MAMLD1: variants seen among roughly 807,000 people sequenced by gnomAD.
MAMLD1 encodes the protein mastermind-like domain-containing protein 1.
Under a neutral mutation model 45.0 loss-of-function variants are expected in MAMLD1, and 14 were observed. That is an observed-to-expected ratio of 0.31 (90% CI 0.21 to 0.49). MAMLD1 has a LOEUF of 0.49. Among genes scored for constraint, MAMLD1 ranks in the 20% least tolerant of loss-of-function variants. The pLI, the probability that MAMLD1 is intolerant of heterozygous loss-of-function variation, is 0.99. For missense variants in MAMLD1, 543 were observed against 603.6 expected, an observed-to-expected ratio of 0.90 and a Z score of 1.05; for synonymous variants, 254 against 247.8, an observed-to-expected ratio of 1.02 and a Z score of -0.24.
intron 1 of MAMLD1, among the ~76,000 whole-genome samples, chrX:150,390,991 C>G (rs1303559204): frequency 2.7e-5 from 3 of 112,125 alleles, no homozygotes; most frequent in Admixed American, 9.5e-5. Context: ...GTACCACTTC[C>G]TTCTGTACTC....
At chrX:150,464,498 G>C (rs782424058) in intron 3 of MAMLD1, among the ~76,000 whole-genome samples, 255 of 112,269 alleles carry the variant, frequency 2.3e-3, no homozygotes, top group Non-Finnish European at 4.0e-3. Context: ...GGGACATTCT[G>C]CTGAAAATAA....
At chrX:150,483,436 G>A (rs1234771320) in intron 5 of MAMLD1, among the ~76,000 whole-genome samples, 1 of 112,751 alleles carries the variant, frequency 8.9e-6, no homozygotes, top group African/African-American at 3.2e-5. Flanking sequence ...ATGAACCAAT[G>A]AATGAGCTGT....
intron 1 of MAMLD1, among the ~76,000 whole-genome samples, chrX:150,424,276 C>T (rs1217869739): frequency 8.9e-6 from 1 of 112,687 alleles, no homozygotes; most frequent in East Asian, 2.8e-4. Context: ...CTGTACTTGC[C>T]AGGAAGTCCT....
intron 1 of MAMLD1, among the ~76,000 whole-genome samples, chrX:150,399,509 A>C (rs782466852): frequency 8.9e-6 from 1 of 112,152 alleles, no homozygotes; most frequent in East Asian, 2.8e-4. Flanking sequence ...TCAAGTTAAG[A>C]AGAGGCCATT....
chrX:150,428,394 G>T (rs1162014628), intron 1 of MAMLD1, among the ~76,000 whole-genome samples: 3 of 112,850 alleles, frequency 2.7e-5, no homozygotes, highest in African/African-American at 9.6e-5. Flanking sequence ...AAGACCCACA[G>T]ATTTATTTGA....
chrX:150,403,973 A>AAAGAAAGAAAGAAAGAAAGAAAGG lies in MAMLD1; in HGVS notation c.-64+40466_-64+40467insGAAGAAAGAAAGAAAGAAAGAAAG, dbSNP rs2033919234. ...GAAAGAAAGAAAGAAAGAAAGAAAG[A>AAAGAAAGAAAGAAAGAAAGAAAGG]AAGAAAGAAAGAAAGAAAGAAAGAA... On this transcript the variant is annotated intron_variant, in intron 1 of 7. Coordinates refer to ENST00000370401, the MANE Select transcript of MAMLD1 (RefSeq NM_005491.5). Among the ~76,000 whole-genome samples the AAAGAAAGAAAGAAAGAAAGAAAGG allele has an allele frequency of 2.2e-3, 204 of 92,365 alleles. 3 individuals carry two copies. Among genetic ancestry groups the AAAGAAAGAAAGAAAGAAAGAAAGG allele is most frequent in the African/African-American group, 9.0e-3 (198 of 22,079 alleles). The allele number at this position is 92,365 out of a possible 115,157, so 80.2% of individuals were successfully genotyped here.
intron 2 of MAMLD1, among the ~76,000 whole-genome samples, chrX:150,459,040 A>C (rs1382967296): frequency 1.8e-5 from 2 of 112,507 alleles, no homozygotes; most frequent in African/African-American, 3.2e-5. Context: ...TATTTGCCCC[A>C]TTTAAACTAC....
chrX:150,488,339 C>A (rs1018309517), intron 5 of MAMLD1, among the ~76,000 whole-genome samples: 1 of 112,649 alleles, frequency 8.9e-6, no homozygotes, highest in South Asian at 3.7e-4. Context: ...CCACATTTTT[C>A]CCCTGAGAAA....
chrX:150,401,907 T>C (rs9803397), intron 1 of MAMLD1, among the ~76,000 whole-genome samples: 29,456 of 108,209 alleles, frequency 0.27, 3,653 homozygotes, highest in African/African-American at 0.44. Context: ...TTACACCTTA[T>C]ACAAAAATCA....
chrX:150,430,423 A>G (rs1018256362), intron 1 of MAMLD1, among the ~76,000 whole-genome samples: 9 of 111,078 alleles, frequency 8.1e-5, no homozygotes, highest in Non-Finnish European at 9.4e-5. Flanking sequence ...TTTTCATTCT[A>G]TTCACAGGGT....
intron 5 of MAMLD1, among the ~76,000 whole-genome samples, chrX:150,502,729 T>C (rs1389690791): frequency 9.1e-6 from 1 of 110,042 alleles, no homozygotes; most frequent in African/African-American, 3.3e-5. Context: ...TGTTTGGTTT[T>C]GCACTCACCA....
chrX:150,486,342 C>G (rs982241943), intron 5 of MAMLD1, among the ~76,000 whole-genome samples: 3 of 111,392 alleles, frequency 2.7e-5, no homozygotes, highest in Non-Finnish European at 3.8e-5. Flanking sequence ...TCCCAGAAGC[C>G]CCCCCAGATT....
At chrX:150,438,693 G>A (rs782157326) in intron 1 of MAMLD1, among the ~76,000 whole-genome samples, 2 of 112,172 alleles carry the variant, frequency 1.8e-5, no homozygotes, top group East Asian at 5.6e-4. Context: ...TCAGTACTTC[G>A]TTCCCTTTAT....
At chrX:150,496,911 A>T (rs1342643414) in intron 5 of MAMLD1, among the ~76,000 whole-genome samples, 1 of 112,536 alleles carries the variant, frequency 8.9e-6, no homozygotes, top group Non-Finnish European at 1.9e-5. Flanking sequence ...TTTATACATT[A>T]TGGATTCTAC....
At position 150,429,552 on chromosome X, in the gene MAMLD1, C is replaced by G. The variant is rs782292330; in HGVS notation, c.-63-15902C>G. On this transcript the variant is annotated intron_variant, in intron 1 of 7. Transcript: ENST00000370401. ...GGTTACAACTCATATAACAATAGTG[C>G]AATATCAAAACTTGGAAATTGATAT... 1.5e-3 allele frequency among the ~76,000 whole-genome samples: 167 copies of G among 110,992 alleles called. 1 individual carries two copies. Among genetic ancestry groups the G allele is most frequent in the African/African-American group, 5.4e-3 (164 of 30,570 alleles).
chrX:150,441,096 G>A (rs1397111250), intron 1 of MAMLD1, among the ~76,000 whole-genome samples: 8 of 104,828 alleles, frequency 7.6e-5, no homozygotes, highest in African/African-American at 2.8e-4. Flanking sequence ...ATCTTCATGC[G>A]GTACATATGA....
chrX:150,497,320 GT>G (rs1264837364), intron 5 of MAMLD1, among the ~76,000 whole-genome samples: 2 of 64,852 alleles, frequency 3.1e-5, no homozygotes, highest in Non-Finnish European at 5.4e-5. Context: ...GTCTCACTTT[GT>G]CGCCCAGGCT....
At chrX:150,384,038 C>T (rs895192926) in intron 1 of MAMLD1, among the ~76,000 whole-genome samples, 5 of 111,762 alleles carry the variant, frequency 4.5e-5, no homozygotes, top group Non-Finnish European at 9.4e-5. Flanking sequence ...GAGCTGTTAT[C>T]ACTTTTTGAT....
intron 5 of MAMLD1, among the ~76,000 whole-genome samples, chrX:150,496,287 G>T (rs2037376591): frequency 8.9e-6 from 1 of 112,525 alleles, no homozygotes; most frequent in Admixed American, 9.3e-5. Flanking sequence ...AGTATTTGCG[G>T]TTAAGAGCCT....
Sources: gnomAD v4.1 joint callset for allele counts (sites outside exome capture counted in the v4.1 genomes callset) on GRCh38, gnomAD v4.1.1 for gene constraint, MANE v1.5 for transcripts, NCBI Gene and HGNC (gene_info 2026-07-23, HGNC 2026-07-21) for gene names.